Variants in MED17 observed in about 807,000 individuals in gnomAD.
The protein encoded by MED17 is mediator complex subunit 17, also known as mediator of RNA polymerase II transcription subunit 17.
MED17 carries 49 observed loss-of-function variants against 80.8 expected under a neutral mutation model. The ratio of observed to expected loss-of-function variants is 0.61; its 90% CI spans 0.48 to 0.77. The LOEUF is 0.77. Ranked by LOEUF, MED17 falls within the 30% of genes least tolerant of loss-of-function variation. The probability of loss-of-function intolerance (pLI) is 0.00; values close to 1 mark genes in which losing one functional copy is unlikely to be tolerated. For missense variants in MED17, 718 were observed against 787.0 expected (o/e 0.91, Z 1.05); for synonymous variants, 281 against 280.4 (o/e 1.00, Z -0.02).
chr11:93,786,398 G>A (rs576194344), intron 1 of MED17, among the ~76,000 whole-genome samples: 1 of 152,112 alleles, frequency 6.6e-6, no homozygotes, highest in African/African-American at 2.4e-5. Flanking sequence ...AATGTGAACT[G>A]GTAGTGATTC....
intron 3 of MED17, among the ~76,000 whole-genome samples, chr11:93,791,775 A>G (rs1943838609): frequency 6.6e-6 from 1 of 152,144 alleles, no homozygotes; most frequent in African/African-American, 2.4e-5. Context: ...CAAACAAACA[A>G]AAAAACTCGA....
intron 9 of MED17, among the ~76,000 whole-genome samples, chr11:93,803,981 G>A (rs1425302576): frequency 4.2e-5 from 3 of 71,100 alleles, no homozygotes; most frequent in South Asian, 5.9e-4. Context: ...ATGTGTGTGT[G>A]TGTGTATATA....
chr11:93,793,710 T>G lies in MED17; in HGVS notation c.638-18T>G. 2.7e-6 allele frequency: 4 copies of G among 1,508,116 alleles called. No individual in the cohort carries two copies. The highest frequency in any genetic ancestry group is 3.7e-6 in the Non-Finnish European group (4 of 1,086,166). 93.4% of individuals were successfully genotyped at this position (1,508,116 alleles called of 1,614,324 possible). A position where few individuals can be genotyped will look rare whatever the true frequency, so the allele number is the denominator to read the frequency against. On this transcript the variant is annotated intron_variant, in intron 3 of 11. Transcript: ENST00000251871. ...ATGTTAACTGTTTTATATTTTCCTA[T>G]TTTTAATACAACATTAGGATCTCTC...
intron 9 of MED17, chr11:93,806,942 G>C (rs1439225724): frequency 6.5e-6 from 1 of 152,808 alleles, no homozygotes; most frequent in Non-Finnish European, 1.5e-5. Flanking sequence ...TTGCAACAAA[G>C]GTATTCTGCT....
chr11:93,797,639 T>A lies in MED17; in HGVS notation c.1248T>A (p.Asn416Lys), dbSNP rs774709960. 25 of 1,613,852 alleles carry A rather than the reference T, an allele frequency of 1.5e-5. No individual in the cohort carries two copies. Among genetic ancestry groups the A allele is most frequent in the African/African-American group, 2.7e-5 (2 of 74,916 alleles). The change falls in exon 8 of 12, where the codon AAT becomes AAA. Residue 416 changes from asparagine (N) to lysine (K), a missense_variant. Transcript: ENST00000251871. The stretch of plus-strand genomic sequence containing the variant: ...CGGGTCCTCAAGCTTTTGATAAAAA[T>A]GAAATTAATTCATTACAGTCCAGTG... The part of the protein sequence containing the change: ...RLSGPQAFDK[N>K]EINSLQSSEG...
rs1194234452 is a variant in MED17, at chr11:93,797,533, A to G, written c.1144-2A>G. ...GGTATTTAAAATGGCTGTTTTTGTT[A>G]GTTTCATAAACAGACCTTGAGTTCC... is the stretch of plus-strand genomic sequence containing the variant. On this transcript the variant is annotated splice_acceptor_variant, in intron 7 of 11. Transcript: ENST00000251871. LOFTEE classifies it high-confidence loss of function. 6.2e-7 allele frequency: 1 copy of G among 1,613,810 alleles called. No homozygotes were observed. Among genetic ancestry groups the G allele is most frequent in the Non-Finnish European group, 8.5e-7 (1 of 1,179,716 alleles).
At chr11:93,801,548 A>T in intron 8 of MED17, 1 of 370,476 alleles carries the variant, frequency 2.7e-6, no homozygotes, top group Non-Finnish European at 5.1e-6. Flanking sequence ...AGCTTTTCTG[A>T]GTGGAAGAAA....
intron 3 of MED17, among the ~76,000 whole-genome samples, chr11:93,791,977 G>A (rs557522981): frequency 6.6e-6 from 1 of 152,258 alleles, no homozygotes; most frequent in South Asian, 2.1e-4. Flanking sequence ...TGATGATGTT[G>A]ACTTCATATT....
At chr11:93,811,733 A>C in intron 11 of MED17, 120 bp from the exon 12 acceptor site, 1 of 894,964 alleles carries the variant, frequency 1.1e-6, no homozygotes, top group Non-Finnish European at 1.8e-6. Context: ...TTTTTACAAG[A>C]ATATTTAAGT....
At chr11:93,785,639 G>A (rs769117694) in intron 1 of MED17, among the ~76,000 whole-genome samples, 1 of 152,150 alleles carries the variant, frequency 6.6e-6, no homozygotes, top group Non-Finnish European at 1.5e-5. Flanking sequence ...AATGAAGAAA[G>A]TAAAACAAAG....
chr11:93,809,473 A>G (rs1944063746), intron 10 of MED17: 1 of 551,002 alleles, frequency 1.8e-6, no homozygotes, highest in Non-Finnish European at 3.3e-6. Flanking sequence ...TTTATGTCAT[A>G]TGTCTTTGCT....
At chr11:93,805,290 C>G (rs1056377709) in intron 9 of MED17, among the ~76,000 whole-genome samples, 1 of 152,136 alleles carries the variant, frequency 6.6e-6, no homozygotes, top group Non-Finnish European at 1.5e-5. Context: ...AGTATAATTG[C>G]TGGGTTAAAA....
rs772131227 is a variant in MED17 at position 93,784,678 on chromosome 11, C to CGAG, written c.176_178dup (p.Glu59dup). 8.3e-6 allele frequency: 13 copies of CGAG among 1,557,380 alleles called. No homozygotes were observed. Among genetic ancestry groups the CGAG allele is most frequent in the Admixed American group, 2.0e-5 (1 of 51,198 alleles). ...TAGACTTCAGCCAGGGTTCGGGCTC[C>CGAG]GAGGAGGAGGAGGCGGCGGGGACCG... On this transcript the variant is annotated inframe_insertion, in exon 1 of 12. Transcript: ENST00000251871.
intron 8 of MED17, among the ~76,000 whole-genome samples, chr11:93,798,053 C>G (rs1316674207): frequency 1.3e-5 from 2 of 152,164 alleles, no homozygotes; most frequent in Non-Finnish European, 2.9e-5. Context: ...TTGAGGGTTT[C>G]TGTATTTTTT....
chr11:93,799,513 G>GTGGCTCGGTGTA (rs1943939753), intron 8 of MED17, among the ~76,000 whole-genome samples: 2 of 152,040 alleles, frequency 1.3e-5, no homozygotes, highest in Non-Finnish European at 1.5e-5. Context: ...GGCTTGGTGT[G>GTGGCTCGGTGTA]GTGGCTCATG....
At position 93,794,978 on chromosome 11, in the gene MED17, G is replaced by T. The variant is rs1182480084; in HGVS notation, c.930G>T (p.Gln310His). ...TCTTATGTAAAGAAATTTTTGCACA[G>T]CTCTCTCGGGAAGCTGTTCAAATTA... is the stretch of plus-strand genomic sequence containing the variant. ...NVLLCKEIFAQLSREAVQIKS... is the reference protein window; with the variant it reads ...NVLLCKEIFAHLSREAVQIKS... Residue 310 changes from glutamine (Q) to histidine (H), a missense_variant, in exon 6 of 12, where the codon CAG (glutamine) becomes CAT (histidine). Gln to His is a conservative substitution (Grantham distance 24). Transcript: ENST00000251871. 1 of 1,614,150 alleles carries T rather than the reference G, an allele frequency of 6.2e-7. No individual in the cohort carries two copies. Among genetic ancestry groups the T allele is most frequent in the Admixed American group, 1.7e-5 (1 of 60,028 alleles).
At chr11:93,797,316 A>G (rs1030629519) in intron 7 of MED17, 6 of 545,608 alleles carry the variant, frequency 1.1e-5, no homozygotes, top group Non-Finnish European at 2.0e-5. Context: ...ATCTGACATG[A>G]GAAAAGGAAA....
rs545650579 is a variant in MED17 at position 93,798,849 on chromosome 11, A to G, written c.1328+1130A>G. ...TAATACAGTTCAACTTAAAAAGCTG[A>G]TAATTTGAGTAGATCGTTAGTCTTG... is the stretch of plus-strand genomic sequence containing the variant. On this transcript the variant is annotated intron_variant, in intron 8 of 11. Transcript: ENST00000251871. 1.1e-4 allele frequency among the ~76,000 whole-genome samples: 16 copies of G among 152,338 alleles called. No individual in the cohort carries two copies. In the South Asian group the frequency reaches 3.3e-3, roughly 32 times the overall value.
chr11:93,790,339 C>G (rs1943820848), intron 2 of MED17: 2 of 580,314 alleles, frequency 3.4e-6, no homozygotes, highest in Non-Finnish European at 6.4e-6. Context: ...AGAGTTGATG[C>G]AATGGTAAGT....
Sources: gnomAD v4.1 joint callset for allele counts (sites outside exome capture counted in the v4.1 genomes callset) on GRCh38, gnomAD v4.1.1 for gene constraint, MANE v1.5 for transcripts, NCBI Gene and HGNC (gene_info 2026-07-23, HGNC 2026-07-21) for gene names.